The following CCBE1 variants were observed in gnomAD, a reference collection of about 807,000 sequenced individuals.
CCBE1 encodes the protein collagen and calcium-binding EGF domain-containing protein 1.
Under a neutral mutation model 50.0 loss-of-function variants are expected in CCBE1, and 37 were observed. The ratio of observed to expected loss-of-function variants is 0.74; its 90% CI spans 0.57 to 0.97. The LOEUF (loss-of-function observed/expected upper bound fraction) is 0.97. CCBE1 is among the 50% of genes least tolerant of loss of function. The pLI is 0.00. For synonymous variants in CCBE1, 234 were observed against 203.7 expected (o/e 1.15, Z -1.27); for missense variants, 538 against 523.8 (o/e 1.03, Z -0.26).
rs975066498 is a variant in CCBE1, at chr18:59,633,438, C to T, written c.212+63191G>A. Among the ~76,000 whole-genome samples, 10 of 152,194 alleles carry T rather than the reference C, an allele frequency of 6.6e-5. No individual in the cohort carries two copies. The South Asian group carries it at 1.2e-3, about 19-fold the overall frequency. Reference sequence around the variant, plus strand: ...TAGTTTTCTCTGGTCCAAATTCAGGCGTATTGTTTCATTATTTATTGCCAA... The same window carrying T: ...TAGTTTTCTCTGGTCCAAATTCAGGTGTATTGTTTCATTATTTATTGCCAA... On this transcript the variant is annotated intron_variant, in intron 2 of 10. Transcript: ENST00000439986.
chr18:59,629,578 T>C (rs552265885), intron 2 of CCBE1, among the ~76,000 whole-genome samples: 6 of 152,314 alleles, frequency 3.9e-5, no homozygotes, highest in Admixed American at 3.3e-4. Context: ...GTTCCATGAA[T>C]ACATGATTAA....
intron 5 of CCBE1, among the ~76,000 whole-genome samples, chr18:59,457,296 A>G (rs1179300128): frequency 1.3e-5 from 2 of 152,028 alleles, no homozygotes; most frequent in African/African-American, 4.8e-5. Context: ...AGTAAGGGGG[A>G]ATAGGGAAGG....
At chr18:59,547,844 G>A (rs1915767061) in intron 2 of CCBE1, among the ~76,000 whole-genome samples, 1 of 152,184 alleles carries the variant, frequency 6.6e-6, no homozygotes, top group Admixed American at 6.5e-5. Context: ...CTGCTTGGCT[G>A]CCACAGCTGA....
Position 59,527,954 on chromosome 18 carries a change from C to T in CCBE1, c.213-47716G>A, listed in dbSNP as rs576620700. Among the ~76,000 whole-genome samples the T allele has an allele frequency of 3.9e-5, 6 of 152,172 alleles. No homozygotes were observed. In the South Asian group the frequency reaches 8.3e-4, roughly 21 times the overall value. On this transcript the variant is annotated intron_variant, in intron 2 of 10. Transcript: ENST00000439986. ...CCTTGGAGAATCTGTGATTGTGTGTCGTGGGGTTGATCTTCTCATGGAGTA... is the reference window on the plus strand; with the variant it reads ...CCTTGGAGAATCTGTGATTGTGTGTTGTGGGGTTGATCTTCTCATGGAGTA...
intron 2 of CCBE1, among the ~76,000 whole-genome samples, chr18:59,514,956 G>T (rs1019593382): frequency 1.3e-5 from 2 of 152,102 alleles, no homozygotes; most frequent in Non-Finnish European, 2.9e-5. Flanking sequence ...GACACACATG[G>T]TTTTACTTTT....
At chr18:59,624,565 C>T (rs564334069) in intron 2 of CCBE1, among the ~76,000 whole-genome samples, 109 of 152,286 alleles carry the variant, frequency 7.2e-4, no homozygotes, top group African/African-American at 2.6e-3. Context: ...GCTGAAGGCC[C>T]AATGGAGTTT....
At chr18:59,524,856 CT>C (rs1348460009) in intron 2 of CCBE1, among the ~76,000 whole-genome samples, 1 of 152,186 alleles carries the variant, frequency 6.6e-6, no homozygotes, top group African/African-American at 2.4e-5. Flanking sequence ...GTTTGGTTTT[CT>C]GTTCCTGTGT....
At chr18:59,440,090 C>A (rs566502449) in intron 7 of CCBE1, among the ~76,000 whole-genome samples, 18 of 152,314 alleles carry the variant, frequency 1.2e-4, no homozygotes, top group Admixed American at 4.6e-4. Flanking sequence ...TTTCTGCAAC[C>A]TCCTTTTTGA....
intron 3 of CCBE1, among the ~76,000 whole-genome samples, chr18:59,479,947 T>A (rs971873723): frequency 2.1e-4 from 32 of 152,232 alleles, no homozygotes; most frequent in African/African-American, 7.2e-4. Context: ...TCATAAAACC[T>A]GAAATACTAT....
At chr18:59,484,595 A>C (rs1398600141) in intron 2 of CCBE1, among the ~76,000 whole-genome samples, 3 of 152,218 alleles carry the variant, frequency 2.0e-5, no homozygotes. Context: ...TAATGAAGTG[A>C]TCTGATATGC....
chr18:59,500,310 G>C (rs1365548128), intron 2 of CCBE1, among the ~76,000 whole-genome samples: 3 of 152,162 alleles, frequency 2.0e-5, no homozygotes, highest in Non-Finnish European at 2.9e-5. Flanking sequence ...AACTCTTCAT[G>C]ATCCTTTCTC....
At chr18:59,447,795 G>GGTTTCTCAGGCTTGAGGGCCT (rs1910746062) in intron 7 of CCBE1, among the ~76,000 whole-genome samples, 188 bp downstream of exon 7, 1 of 152,186 alleles carries the variant, frequency 6.6e-6, no homozygotes, top group Non-Finnish European at 1.5e-5. Flanking sequence ...TGGCTATGAG[G>GGTTTCTCAGGCTTGAGGGCCT]GTTTCTCAGG....
In CCBE1 at chr18:59,692,688, A is replaced by G. The variant is rs114258856; in HGVS notation, c.212+3941T>C. On this transcript the variant is annotated intron_variant, in intron 2 of 10. Coordinates refer to ENST00000439986, the MANE Select transcript of CCBE1 (RefSeq NM_133459.4). ...TCACATTCTCACAAGACTTGGCAAC[A>G]CAGTTGTATTATCTCAAAGAAAAGT... Among the ~76,000 whole-genome samples the G allele has an allele frequency of 8.0e-3, 1,214 of 152,302 alleles. 9 individuals are homozygous for G. Among genetic ancestry groups the G allele is most frequent in the African/African-American group, 0.024 (1,013 of 41,554 alleles).
In CCBE1 at chr18:59,439,496, C is replaced by T. The variant is rs143624858; in HGVS notation, c.951+47G>A. On this transcript the variant is annotated intron_variant, in intron 9 of 10. Transcript: ENST00000439986. ...CAAAAACAAAACAAAACAAAAAAAT[C>T]GAAAGTGAGAGACCTTTAGCTTGTG... 5.1e-4 allele frequency: 818 copies of T among 1,610,862 alleles called. 6 individuals are homozygous for T. In the East Asian group the frequency reaches 0.016, roughly 31 times the overall value.
chr18:59,613,937 G>GA (rs916482783), intron 2 of CCBE1, among the ~76,000 whole-genome samples: 2 of 140,386 alleles, frequency 1.4e-5, no homozygotes, highest in Non-Finnish European at 3.0e-5. Context: ...TGCAATGGCA[G>GA]AATCTCAGCT....
chr18:59,432,494 A>G lies in CCBE1; in HGVS notation c.*3414T>C, dbSNP rs1909978797. 1.3e-5 allele frequency: 2 copies of G among 152,346 alleles called. No homozygotes were observed. The highest frequency in any genetic ancestry group is 4.8e-5 in the African/African-American group (2 of 41,580). The allele number at this position is 152,346 out of a possible 1,614,324, so 9.4% of individuals were successfully genotyped here. ...TAGGTTTTGAGCAGAAGTCCTGTTT[A>G]GACAGTAAAGCTTTTTCTATCTAGT... On this transcript the variant is annotated 3_prime_UTR_variant, in exon 11 of 11. Coordinates refer to ENST00000439986, the MANE Select transcript of CCBE1 (RefSeq NM_133459.4).
At chr18:59,518,205 C>A (rs1379515025) in intron 2 of CCBE1, among the ~76,000 whole-genome samples, 1 of 152,166 alleles carries the variant, frequency 6.6e-6, no homozygotes, top group African/African-American at 2.4e-5. Context: ...GAGAACAAAG[C>A]TGGCTGGGCA....
chr18:59,641,150 C>A (rs1180465013), intron 2 of CCBE1, among the ~76,000 whole-genome samples: 1 of 152,184 alleles, frequency 6.6e-6, no homozygotes, highest in African/African-American at 2.4e-5. Context: ...ACCATAAAAA[C>A]ACATGCACAC....
At chr18:59,522,154 T>C (rs931307333) in intron 2 of CCBE1, among the ~76,000 whole-genome samples, 7 of 151,240 alleles carry the variant, frequency 4.6e-5, no homozygotes, top group African/African-American at 9.7e-5. Flanking sequence ...ATTTGTATAA[T>C]CTAAATTTCT....
Sources: gnomAD v4.1 joint callset for allele counts (sites outside exome capture counted in the v4.1 genomes callset) on GRCh38, gnomAD v4.1.1 for gene constraint, MANE v1.5 for transcripts, NCBI Gene and HGNC (gene_info 2026-07-23, HGNC 2026-07-21) for gene names.